CNTN4: variants seen among roughly 807,000 people sequenced by gnomAD.
CNTN4 encodes the protein contactin-4.
Under a neutral mutation model 122.5 loss-of-function variants are expected in CNTN4, and 77 were observed. The ratio of observed to expected loss-of-function variants is 0.63; its 90% CI spans 0.52 to 0.76. The LOEUF (loss-of-function observed/expected upper bound fraction) is 0.76, where lower values mean the gene tolerates loss of function less well. CNTN4 is among the 30% of genes least tolerant of loss of function. The pLI, the probability that CNTN4 is intolerant of heterozygous loss-of-function variation, is 0.00. For synonymous variants in CNTN4, 512 were observed against 447.0 expected, an observed-to-expected ratio of 1.15 and a Z score of -1.83; for missense variants, 1,256 against 1,259.1, an observed-to-expected ratio of 1.00 and a Z score of 0.04.
At chr3:2,184,048 T>TG (rs2037140047) in intron 2 of CNTN4, among the ~76,000 whole-genome samples, 1 of 152,146 alleles carries the variant, frequency 6.6e-6, no homozygotes, top group Admixed American at 6.5e-5. Context: ...CATGGCTTAC[T>TG]GCAGCCTCAG....
At chr3:2,400,312 C>A (rs1396281374) in intron 3 of CNTN4, among the ~76,000 whole-genome samples, 1 of 149,300 alleles carries the variant, frequency 6.7e-6, no homozygotes, top group African/African-American at 2.5e-5. Context: ...TGTACACACA[C>A]AAACATACAC....
intron 13 of CNTN4, among the ~76,000 whole-genome samples, chr3:2,933,118 G>A (rs947540409): frequency 3.3e-5 from 5 of 152,096 alleles, no homozygotes; most frequent in Non-Finnish European, 5.9e-5. Context: ...CACCGCGCCC[G>A]GCCCAGATGG....
intron 3 of CNTN4, among the ~76,000 whole-genome samples, chr3:2,532,806 G>A (rs2077647741): frequency 1.3e-5 from 2 of 152,038 alleles, no homozygotes; most frequent in Admixed American, 1.3e-4. Flanking sequence ...ATAGAAAAAA[G>A]TCATATCTTC....
chr3:2,443,370 T>C (rs1447980919), intron 3 of CNTN4, among the ~76,000 whole-genome samples: 2 of 152,144 alleles, frequency 1.3e-5, no homozygotes, highest in East Asian at 3.9e-4. Context: ...CCAGGGCCAC[T>C]AGTTTCTTGC....
At chr3:2,889,159 G>T (rs1382808651) in intron 10 of CNTN4, among the ~76,000 whole-genome samples, 1 of 152,136 alleles carries the variant, frequency 6.6e-6, no homozygotes, top group Non-Finnish European at 1.5e-5. Flanking sequence ...TTTCCACTAT[G>T]AGCCAGCCTT....
chr3:2,170,090 G>A (rs1393496630), intron 2 of CNTN4, among the ~76,000 whole-genome samples: 2 of 152,052 alleles, frequency 1.3e-5, no homozygotes, highest in Admixed American at 6.5e-5. Flanking sequence ...GGGAGGCCGA[G>A]GCGGGAGGAT....
At chr3:3,010,034 T>C (rs1045383276) in intron 14 of CNTN4, among the ~76,000 whole-genome samples, 3 of 152,050 alleles carry the variant, frequency 2.0e-5, no homozygotes, top group Admixed American at 6.5e-5. Context: ...GGGAGCCTCC[T>C]TGGGGAAGGA....
rs1457488896 is a variant in CNTN4, at chr3:2,994,434, C to T, written c.1486+5962C>T. The stretch of plus-strand genomic sequence containing the variant: ...GAAATTGACTAAGATCACAGATACA[C>T]GTAACAAGAAATTATTTTGTATTTT... On this transcript the variant is annotated intron_variant, in intron 14 of 24. Coordinates refer to ENST00000418658, the MANE Select transcript of CNTN4 (RefSeq NM_175607.3). Among the ~76,000 whole-genome samples the T allele has an allele frequency of 2.0e-5, 3 of 151,992 alleles. No individual in the cohort carries two copies. The East Asian group carries it at 5.8e-4, about 29-fold the overall frequency.
Position 2,367,183 on chromosome 3 carries a change from GA to G in CNTN4, c.-89+27956del, listed in dbSNP as rs1274539610. On this transcript the variant is annotated intron_variant, in intron 3 of 24. Transcript: ENST00000418658. ...AATGAATAAACTACACAAAATTACA[GA>G]AAAAACACTAATCTACAGAAGAAAA... 1.3e-4 allele frequency among the ~76,000 whole-genome samples: 19 copies of G among 151,998 alleles called. No homozygotes were observed. The East Asian group carries it at 3.7e-3, about 29-fold the overall frequency.
intron 4 of CNTN4, among the ~76,000 whole-genome samples, chr3:2,577,017 T>C (rs1322466254): frequency 1.3e-5 from 2 of 152,234 alleles, no homozygotes; most frequent in Non-Finnish European, 2.9e-5. Context: ...AGTAGATAAA[T>C]GCCTCTGTCT....
intron 7 of CNTN4, among the ~76,000 whole-genome samples, chr3:2,824,714 T>G (rs2092950854): frequency 6.6e-6 from 1 of 152,114 alleles, no homozygotes; most frequent in Admixed American, 6.5e-5. Flanking sequence ...CAGGCTGGAG[T>G]GCAATGGCAC....
At chr3:2,690,434 AG>A (rs1291710499) in intron 4 of CNTN4, among the ~76,000 whole-genome samples, 2 of 152,174 alleles carry the variant, frequency 1.3e-5, no homozygotes, top group Non-Finnish European at 2.9e-5. Flanking sequence ...ATGGGACCTT[AG>A]GTAGGTTATT....
intron 3 of CNTN4, among the ~76,000 whole-genome samples, chr3:2,568,553 C>T (rs1234395247): frequency 1.3e-5 from 2 of 152,194 alleles, no homozygotes; most frequent in East Asian, 3.9e-4. Context: ...CTATTGCCAC[C>T]ATAACTCTTG....
intron 7 of CNTN4, among the ~76,000 whole-genome samples, chr3:2,820,961 C>CTTTTTTTTTTTT (rs67731967): frequency 0.012 from 1,237 of 107,430 alleles, 63 homozygotes; most frequent in African/African-American, 0.023. Context: ...TTTTCTCTTT[C>CTTTTTTTTTTTT]TTTTTTTTTT....
chr3:2,772,221 G>A (rs1257760076), intron 6 of CNTN4, among the ~76,000 whole-genome samples: 1 of 152,028 alleles, frequency 6.6e-6, no homozygotes, highest in Non-Finnish European at 1.5e-5. Context: ...TTTGGAATGG[G>A]CATTTAAGGC....
chr3:3,018,084 T>C (rs1697937890), intron 14 of CNTN4, among the ~76,000 whole-genome samples: 1 of 152,210 alleles, frequency 6.6e-6, no homozygotes, highest in Admixed American at 6.5e-5. Context: ...CTTCAAAATG[T>C]AGATCCTAAT....
chr3:2,754,821 A>C (rs1180173454), intron 6 of CNTN4, among the ~76,000 whole-genome samples: 2 of 147,596 alleles, frequency 1.4e-5, no homozygotes, highest in African/African-American at 5.4e-5. Flanking sequence ...TCTGAGGTTA[A>C]TTTAAGTTAG....
chr3:2,933,114 G>A (rs1229114835), intron 13 of CNTN4, among the ~76,000 whole-genome samples: 3 of 152,088 alleles, frequency 2.0e-5, no homozygotes, highest in Non-Finnish European at 4.4e-5. Flanking sequence ...GAGCCACCGC[G>A]CCCGGCCCAG....
chr3:2,600,444 T>C (rs1313632087), intron 4 of CNTN4, among the ~76,000 whole-genome samples: 2 of 152,104 alleles, frequency 1.3e-5, no homozygotes, highest in Non-Finnish European at 2.9e-5. Flanking sequence ...AGTGAGAACA[T>C]GCGGTGTTTG....
Sources: allele counts gnomAD v4.1 joint callset (sites outside exome capture counted in the v4.1 genomes callset), GRCh38; gene constraint gnomAD v4.1.1; transcripts MANE v1.5; gene names NCBI Gene and HGNC (gene_info 2026-07-23, HGNC 2026-07-21).